RARB: variants seen among roughly 807,000 people sequenced by gnomAD.
RARB encodes HBV-activated protein.
Under a neutral mutation model 51.9 loss-of-function variants are expected in RARB, and 17 were observed. The ratio of observed to expected loss-of-function variants is 0.33; its 90% confidence interval spans 0.22 to 0.49. The LOEUF is 0.49. RARB is among the 20% of genes least tolerant of loss of function. The probability of loss-of-function intolerance (pLI) is 0.99; values close to 1 mark genes in which losing one functional copy is unlikely to be tolerated. For missense variants in RARB, 369 were observed against 550.8 expected (o/e 0.67, Z 3.30); for synonymous variants, 215 against 195.4 (o/e 1.10, Z -0.84).
chr3:24,855,931 T>C (rs1702628372), intron 1 of RARB, among the ~76,000 whole-genome samples: 1 of 151,944 alleles, frequency 6.6e-6, no homozygotes, highest in Non-Finnish European at 1.5e-5. Context: ...TTTGTATTTT[T>C]GGTAGAGATG....
intron 1 of RARB, among the ~76,000 whole-genome samples, chr3:24,841,285 C>T (rs1240512132): frequency 6.6e-6 from 1 of 152,190 alleles, no homozygotes; most frequent in Non-Finnish European, 1.5e-5. Context: ...AAGGAGTTTA[C>T]CTGCTATAGC....
chr3:25,225,155 A>T (rs776505106), intron 5 of RARB, among the ~76,000 whole-genome samples: 1 of 152,128 alleles, frequency 6.6e-6, no homozygotes. Flanking sequence ...TTAATTCAAA[A>T]ATTATTTATA....
intron 5 of RARB, among the ~76,000 whole-genome samples, chr3:25,226,378 A>G (rs936092185): frequency 6.6e-6 from 1 of 152,212 alleles, no homozygotes; most frequent in African/African-American, 2.4e-5. Flanking sequence ...TTACCCCTAA[A>G]TAGCTTCATT....
chr3:25,573,121 A>C (rs1000534495), intron 4 of RARB, among the ~76,000 whole-genome samples: 4 of 152,086 alleles, frequency 2.6e-5, no homozygotes, highest in Admixed American at 6.5e-5. Context: ...ACCACGTCCC[A>C]GAGTTTCCCA....
rs770245821 is a variant in RARB, at chr3:25,580,751, T to C, written c.786+29T>C. 3.2e-6 allele frequency: 5 copies of C among 1,562,136 alleles called. No individual in the cohort carries two copies. The Admixed American group carries it at 8.6e-5, about 27-fold the overall frequency. On this transcript the variant is annotated intron_variant, in intron 5 of 7. Coordinates refer to ENST00000330688, the MANE Select transcript of RARB (RefSeq NM_000965.5). ...TGTGCCTTTTTGAGCTCTCAATGGG[T>C]CTGGGGAGGGAGAGAGGGCACCGTG...
intron 3 of RARB, among the ~76,000 whole-genome samples, chr3:25,554,423 A>G (rs1699970863): frequency 6.6e-6 from 1 of 151,998 alleles, no homozygotes; most frequent in South Asian, 2.1e-4. Context: ...TGGTAAAGAA[A>G]GTTTTACTGG....
At chr3:25,558,794 C>T (rs1451709935) in intron 3 of RARB, among the ~76,000 whole-genome samples, 1 of 152,108 alleles carries the variant, frequency 6.6e-6, no homozygotes, top group Non-Finnish European at 1.5e-5. Flanking sequence ...GTTTTGATAC[C>T]ATCAGTAGCC....
intron 4 of RARB, among the ~76,000 whole-genome samples, chr3:25,578,679 T>G (rs1211650338): frequency 1.3e-5 from 2 of 152,174 alleles, no homozygotes; most frequent in African/African-American, 4.8e-5. Flanking sequence ...AGGAATAAAA[T>G]AAATCTGGAG....
chr3:24,915,807 G>C (rs758817533), intron 2 of RARB, among the ~76,000 whole-genome samples: 37 of 152,222 alleles, frequency 2.4e-4, no homozygotes, highest in Non-Finnish European at 4.6e-4. Flanking sequence ...ACAAATGTAG[G>C]TGACCATTAA....
intron 2 of RARB, among the ~76,000 whole-genome samples, chr3:24,953,263 C>CA (rs1455295210): frequency 6.6e-6 from 1 of 151,908 alleles, no homozygotes; most frequent in Non-Finnish European, 1.5e-5. Context: ...GGAAGTTTGC[C>CA]AGCAGGCACG....
chr3:25,363,492 T>G (rs1169089205), intron 5 of RARB, among the ~76,000 whole-genome samples: 1 of 152,172 alleles, frequency 6.6e-6, no homozygotes, highest in East Asian at 1.9e-4. Context: ...TCCAGTTGCT[T>G]AGGCCACTTG....
At chr3:25,539,752 G>A (rs1699299271) in intron 3 of RARB, among the ~76,000 whole-genome samples, 1 of 151,690 alleles carries the variant, frequency 6.6e-6, no homozygotes, top group African/African-American at 2.4e-5. Context: ...CCATACACTG[G>A]ATTTCTTATA....
intron 5 of RARB, among the ~76,000 whole-genome samples, chr3:25,363,119 C>T (rs1706004223): frequency 6.6e-6 from 1 of 151,860 alleles, no homozygotes; most frequent in Non-Finnish European, 1.5e-5. Flanking sequence ...TTGGATAGGA[C>T]ATAATTTAAG....
intron 5 of RARB, among the ~76,000 whole-genome samples, chr3:25,323,135 AGGCAAAAACATGGAGGCTCAAG>A (rs925518358): frequency 1.5e-5 from 2 of 130,092 alleles, no homozygotes; most frequent in Non-Finnish European, 3.7e-5. Context: ...CCGGGGCTCA[AGGCAAAAACATGGAGGCTCAAG>A]GCAAAAACAG....
intron 2 of RARB, among the ~76,000 whole-genome samples, chr3:24,973,186 C>T (rs1301533474): frequency 1.3e-5 from 2 of 151,998 alleles, no homozygotes; most frequent in Non-Finnish European, 2.9e-5. Flanking sequence ...GTTCATTCTT[C>T]TGCACATGGT....
intron 5 of RARB, among the ~76,000 whole-genome samples, chr3:25,337,965 T>C (rs545168737): frequency 3.3e-5 from 5 of 152,192 alleles, no homozygotes; most frequent in African/African-American, 1.2e-4. Flanking sequence ...CGTAGGTCAA[T>C]TAGATCTAAA....
At chr3:24,940,569 T>G (rs537294135) in intron 2 of RARB, among the ~76,000 whole-genome samples, 2 of 152,342 alleles carry the variant, frequency 1.3e-5, no homozygotes, top group African/African-American at 4.8e-5. Flanking sequence ...CCTATGTTTT[T>G]TCCTTGTCTT....
chr3:24,949,472 C>T (rs1047414331), intron 2 of RARB, among the ~76,000 whole-genome samples: 5 of 151,470 alleles, frequency 3.3e-5, no homozygotes, highest in African/African-American at 4.9e-5. Flanking sequence ...TAACTAACTT[C>T]ATAGCAATTT....
At chr3:25,106,473 G>T (rs74956539) in intron 3 of RARB, among the ~76,000 whole-genome samples, 55,864 of 105,512 alleles carry the variant, frequency 0.53, 15,859 homozygotes, top group East Asian at 0.83. Flanking sequence ...TTTTTGTTTT[G>T]TTTTTTTTTT....
Sources: allele counts gnomAD v4.1 joint callset (sites outside exome capture counted in the v4.1 genomes callset), GRCh38; gene constraint gnomAD v4.1.1; transcripts MANE v1.5; gene names NCBI Gene and HGNC (gene_info 2026-07-23, HGNC 2026-07-21).